The following OSTN variants were observed in gnomAD, a reference collection of about 807,000 sequenced individuals.
OSTN encodes the protein osteocrin.
A neutral mutation model predicts 12.0 loss-of-function variants in OSTN; 9 were observed. That is an observed-to-expected ratio of 0.75 (90% CI 0.45 to 1.30). The LOEUF is 1.30. Ranked by LOEUF, OSTN falls within the 50% of genes most tolerant of loss-of-function variation. The pLI is 0.00. For synonymous variants in OSTN, 59 were observed against 56.9 expected (o/e 1.04, Z -0.16); for missense variants, 148 against 152.3 (o/e 0.97, Z 0.15).
chr3:191,208,901 T>C (rs1052649755), intron 1 of OSTN, among the ~76,000 whole-genome samples: 2 of 152,240 alleles, frequency 1.3e-5, no homozygotes, highest in Non-Finnish European at 2.9e-5. Context: ...CTCACGCCTA[T>C]AATCCCAGCA....
At chr3:191,217,696 CAAG>C (rs1413168521) in intron 2 of OSTN, among the ~76,000 whole-genome samples, 2 of 152,120 alleles carry the variant, frequency 1.3e-5, no homozygotes, top group African/African-American at 4.8e-5. Context: ...AAGAACCAAA[CAAG>C]AAATTTTACA....
At chr3:191,230,562 C>CAAAAAAAAAAAAAA (rs35542147) in intron 3 of OSTN, among the ~76,000 whole-genome samples, 1 of 36,448 alleles carries the variant, frequency 2.7e-5, no homozygotes, top group African/African-American at 1.0e-4. Context: ...GACTCCGTCT[C>CAAAAAAAAAAAAAA]AAAAAAAAAA....
Position 191,218,885 on chromosome 3 carries a change from A to T in OSTN, c.241A>T (p.Lys81Ter). 2 of 1,614,116 alleles carry T rather than the reference A, an allele frequency of 1.2e-6. No homozygotes were observed. The highest frequency in any genetic ancestry group is 1.7e-6 in the Non-Finnish European group (2 of 1,180,002). ...AAATGATGTGATTGAGACAAAGAAG[A>T]AAAGGAGTTTCTCTGGTTTTGGGTC... is the stretch of plus-strand genomic sequence containing the variant. ...LENDVIETKK[K>*]RSFSGFGSPL... The change falls in exon 3 of 5, where the codon AAA becomes TAA. Residue 81 changes from lysine (K) to a stop codon, truncating the protein, a stop_gained. Transcript: ENST00000682035. LOFTEE classifies it high-confidence loss of function.
chr3:191,256,537 A>G lies in OSTN; in HGVS notation c.*13-6329A>G, dbSNP rs558015587. Among the ~76,000 whole-genome samples the G allele has an allele frequency of 7.9e-5, 12 of 152,194 alleles. No homozygotes were observed. In the East Asian group the frequency reaches 2.3e-3, roughly 29 times the overall value. On this transcript the variant is annotated intron_variant, in intron 4 of 4. Transcript: ENST00000682035. ...TAATAATTCAGAGATTTCAAAAAGC[A>G]TAGAGAGAAGACTCAGTTTCTTAAA...
At chr3:191,200,668 A>T (rs1714133122) in intron 1 of OSTN, among the ~76,000 whole-genome samples, 1 of 152,180 alleles carries the variant, frequency 6.6e-6, no homozygotes, top group Non-Finnish European at 1.5e-5. Flanking sequence ...AAAAAATAGA[A>T]GTGCTAGGGA....
In OSTN at chr3:191,263,917, T is replaced by A. The variant is rs1025926769; in HGVS notation, c.*1064T>A. The A allele has an allele frequency of 6.6e-6, 1 of 151,122 alleles. No individual in the cohort carries two copies. The highest frequency in any genetic ancestry group is 1.5e-5 in the Non-Finnish European group (1 of 67,704). 9.4% of individuals were successfully genotyped at this position (151,122 alleles called of 1,614,324 possible). On this transcript the variant is annotated 3_prime_UTR_variant, in exon 5 of 5. Coordinates refer to ENST00000682035, the MANE Select transcript of OSTN (RefSeq NM_198184.2). ...TGTTACTGTAGCTTGGACACATAGG[T>A]CCATTGTGCATTGGATATACTTTGA...
chr3:191,225,661 T>G (rs1714890764), intron 3 of OSTN, among the ~76,000 whole-genome samples: 1 of 152,092 alleles, frequency 6.6e-6, no homozygotes, highest in South Asian at 2.1e-4. Flanking sequence ...AGAAGAAAAT[T>G]ATGTTCTTTG....
chr3:191,245,217 T>C (rs1339162954), intron 3 of OSTN, among the ~76,000 whole-genome samples: 1 of 152,236 alleles, frequency 6.6e-6, no homozygotes, highest in East Asian at 1.9e-4. Flanking sequence ...CACTTTTCAA[T>C]GTAAAATGTG....
chr3:191,248,571 C>T (rs1715489227), intron 3 of OSTN, among the ~76,000 whole-genome samples: 1 of 148,332 alleles, frequency 6.7e-6, no homozygotes, highest in Non-Finnish European at 1.5e-5. Context: ...GTTTAAACTG[C>T]TGAAAATTAA....
At chr3:191,211,061 T>G (rs1714405658) in intron 1 of OSTN, among the ~76,000 whole-genome samples, 3 of 152,238 alleles carry the variant, frequency 2.0e-5, no homozygotes, top group Non-Finnish European at 4.4e-5. Flanking sequence ...AAAATACATA[T>G]AGATTAAAAA....
intron 3 of OSTN, among the ~76,000 whole-genome samples, chr3:191,224,861 A>G (rs1387390132): frequency 2.0e-5 from 3 of 152,104 alleles, no homozygotes; most frequent in African/African-American, 7.2e-5. Context: ...AATATTAGAT[A>G]CAAACTAGCA....
At position 191,264,516 on chromosome 3, in the gene OSTN, A is replaced by G. The variant is rs1715877370; in HGVS notation, c.*1663A>G. On this transcript the variant is annotated 3_prime_UTR_variant, in exon 5 of 5. Transcript: ENST00000682035. The stretch of plus-strand genomic sequence containing the variant: ...TGTAGTAGAGGGCTGTAGCCAAGAG[A>G]AGTGAATTTTGGGAAATCTAACCAA... 6.6e-6 allele frequency: 1 copy of G among 152,154 alleles called. No individual in the cohort carries two copies. Among genetic ancestry groups the G allele is most frequent in the Non-Finnish European group, 1.5e-5 (1 of 67,972 alleles). 9.4% of individuals were successfully genotyped at this position (152,154 alleles called of 1,614,324 possible).
intron 3 of OSTN, among the ~76,000 whole-genome samples, chr3:191,246,741 AGAGGAGAAGGAGGAGAAG>A (rs143092643): frequency 7.9e-5 from 12 of 151,438 alleles, no homozygotes; most frequent in East Asian, 2.0e-4. Context: ...AGGAGGAGGA[AGAGGAGAAGGAGGAGAAG>A]GAGGAGAAGG....
intron 3 of OSTN, among the ~76,000 whole-genome samples, chr3:191,235,702 T>C (rs1213166867): frequency 1.3e-5 from 2 of 152,224 alleles, no homozygotes; most frequent in Admixed American, 6.5e-5. Context: ...AGCATCCTGA[T>C]GAGTTTGCTT....
At chr3:191,222,966 G>A (rs1714806814) in intron 3 of OSTN, among the ~76,000 whole-genome samples, 2 of 152,018 alleles carry the variant, frequency 1.3e-5, no homozygotes, top group South Asian at 4.1e-4. Flanking sequence ...ATGATTGTAA[G>A]TTTCCTGAGG....
At chr3:191,199,468 G>A (rs186567159) in intron 1 of OSTN, among the ~76,000 whole-genome samples, 161 bp downstream of exon 1, 4 of 152,024 alleles carry the variant, frequency 2.6e-5, no homozygotes, top group Non-Finnish European at 4.4e-5. Context: ...AGATATTTTT[G>A]TAATGCAAAC....
chr3:191,250,603 G>A (rs373560163), intron 4 of OSTN, among the ~76,000 whole-genome samples: 1 of 152,174 alleles, frequency 6.6e-6, no homozygotes, highest in African/African-American at 2.4e-5. Flanking sequence ...ATTAGCCATG[G>A]AATCAAAACA....
chr3:191,251,074 T>C (rs1321344552), intron 4 of OSTN, among the ~76,000 whole-genome samples: 1 of 152,102 alleles, frequency 6.6e-6, no homozygotes, highest in Non-Finnish European at 1.5e-5. Flanking sequence ...AGCATTGTCC[T>C]GAGGATTAAA....
intron 3 of OSTN, among the ~76,000 whole-genome samples, chr3:191,222,406 C>T (rs1576927810): frequency 6.6e-6 from 1 of 152,328 alleles, no homozygotes; most frequent in Non-Finnish European, 1.5e-5. Context: ...AATTTACTGC[C>T]CCACTGGATT....
Sources: allele counts gnomAD v4.1 joint callset (sites outside exome capture counted in the v4.1 genomes callset), GRCh38; gene constraint gnomAD v4.1.1; transcripts MANE v1.5; gene names NCBI Gene and HGNC (gene_info 2026-07-23, HGNC 2026-07-21).